The following BRSK1 variants were observed in gnomAD, a reference collection of about 807,000 sequenced individuals.
BRSK1 encodes the protein serine/threonine-protein kinase BRSK1.
A neutral mutation model predicts 86.2 loss-of-function variants in BRSK1; 17 were observed. The ratio of observed to expected loss-of-function variants is 0.20; its 90% CI spans 0.14 to 0.30. The LOEUF (loss-of-function observed/expected upper bound fraction) is 0.30, where lower values mean the gene tolerates loss of function less well. Ranked by LOEUF, BRSK1 falls within the 10% of genes least tolerant of loss-of-function variation. The pLI is 1.00. For missense variants in BRSK1, 719 were observed against 1,071.9 expected (o/e 0.67, Z 4.60); for synonymous variants, 464 against 440.1 (o/e 1.05, Z -0.68).
chr19:55,308,619 C>G lies in BRSK1; in HGVS notation c.2090-20C>G, dbSNP rs369140520. ...TCCTGGACCCCCAGTCAGTGTTTTT[C>G]TGCCCGCCTGTGCCTCTAGGTCCCA... is the stretch of plus-strand genomic sequence containing the variant. On this transcript the variant is annotated intron_variant, in intron 17 of 18. Transcript: ENST00000309383. 227 of 1,604,850 alleles carry G rather than the reference C, an allele frequency of 1.4e-4. No homozygotes were observed. In the African/African-American group the frequency reaches 2.7e-3, roughly 19 times the overall value.
intron 7 of BRSK1, among the ~76,000 whole-genome samples, chr19:55,297,513 A>G (rs1365382161): frequency 6.6e-6 from 1 of 152,168 alleles, no homozygotes; most frequent in African/African-American, 2.4e-5. Flanking sequence ...TCTCTTAACC[A>G]CCAGGCTACA....
intron 1 of BRSK1, 87 bp downstream of exon 1, chr19:55,284,665 G>A (rs570196947): frequency 1.7e-6 from 2 of 1,158,268 alleles, no homozygotes; most frequent in East Asian, 6.4e-5. Flanking sequence ...AAATGGCAGG[G>A]GCTGGCTGCC....
intron 4 of BRSK1, among the ~76,000 whole-genome samples, chr19:55,292,672 GAAAATAC>G (rs2088425675): frequency 6.6e-6 from 1 of 150,792 alleles, no homozygotes. Flanking sequence ...TGTCTCTACT[GAAAATAC>G]AAAAATTAGC....
rs2088809969 is a variant in BRSK1 at position 55,311,990 on chromosome 19, A to G, written c.2259A>G (p.Pro753=). 7.0e-7 allele frequency: 1 copy of G among 1,427,442 alleles called. No homozygotes were observed. The allele number at this position is 1,427,442 out of a possible 1,614,324, so 88.4% of individuals were successfully genotyped here. The change falls in exon 19 of 19, where the codon CCA becomes CCG. Residue 753 remains proline, a synonymous_variant. Transcript: ENST00000309383. ...SLQPPPGRPD[P]ELSSSPRRGP... ...AGCCCCCACCCGGCCGCCCAGACCC[A>G]GAGCTGAGCAGCTCTCCCCGCCGAG...
rs1350908531 is a variant in BRSK1 at position 55,303,657 on chromosome 19, T to C, written c.1127-10T>C. On this transcript the variant is annotated splice_polypyrimidine_tract_variant and intron_variant, in intron 11 of 18. Transcript: ENST00000309383. This position sits in a 1 kb window ranked among gnomAD's most constrained non-coding sequence, Gnocchi z 5.1. ...CATCTCTTGATTGGGTTGAAACTGT[T>C]GTCCCTCAGACCCCCCCCGGAAGCG... 1.3e-6 allele frequency: 2 copies of C among 1,589,496 alleles called. No individual in the cohort carries two copies. The highest frequency in any genetic ancestry group is 1.7e-6 in the Non-Finnish European group (2 of 1,167,824).
In BRSK1 at chr19:55,294,512, T is replaced by C; in HGVS notation, c.678+115T>C. On this transcript the variant is annotated intron_variant, in intron 7 of 18. Coordinates refer to ENST00000309383, the MANE Select transcript of BRSK1 (RefSeq NM_032430.2). This position sits in a 1 kb window ranked among gnomAD's most constrained non-coding sequence, Gnocchi z 4.9. ...TGAATTTATTTATGAATTTTATTTA[T>C]TTATTTTGAGACAGAGTCTTGCCCC... 7.6e-7 allele frequency: 1 copy of C among 1,308,514 alleles called. No homozygotes were observed. The highest frequency in any genetic ancestry group is 1.0e-6 in the Non-Finnish European group (1 of 954,250). The allele number at this position is 1,308,514 out of a possible 1,614,324, so 81.1% of individuals were successfully genotyped here.
At chr19:55,307,220 G>A (rs1024382307) in intron 17 of BRSK1, among the ~76,000 whole-genome samples, 9 of 152,156 alleles carry the variant, frequency 5.9e-5, no homozygotes, top group Non-Finnish European at 8.8e-5. Flanking sequence ...TGGGTGTTCC[G>A]TCACCAAAAC....
chr19:55,292,766 G>A (rs1028086101), intron 4 of BRSK1, among the ~76,000 whole-genome samples: 1 of 151,936 alleles, frequency 6.6e-6, no homozygotes, highest in Non-Finnish European at 1.5e-5. Flanking sequence ...CCCAGGAGAC[G>A]GAGGTTGCAG....
At position 55,284,354 on chromosome 19, in the gene BRSK1, G is replaced by C; in HGVS notation, c.-89G>C. The C allele has an allele frequency of 1.1e-6, 1 of 915,882 alleles. No homozygotes were observed. Among genetic ancestry groups the C allele is most frequent in the Non-Finnish European group, 1.4e-6 (1 of 693,198 alleles). The allele number at this position is 915,882 out of a possible 1,614,324, so 56.7% of individuals were successfully genotyped here. ...GGGGGGCAGCCGGGGGGGCCGGGACGGAGCGGTCGCCGGCCCCCACCGGAG... is the reference window on the plus strand; with the variant it reads ...GGGGGGCAGCCGGGGGGGCCGGGACCGAGCGGTCGCCGGCCCCCACCGGAG... On this transcript the variant is annotated 5_prime_UTR_variant, in exon 1 of 19. Transcript: ENST00000309383.
rs372052269 is a variant in BRSK1 at position 55,312,533 on chromosome 19, C to CA, written c.*494dup. On this transcript the variant is annotated 3_prime_UTR_variant, in exon 19 of 19. Coordinates refer to ENST00000309383, the MANE Select transcript of BRSK1 (RefSeq NM_032430.2). ...TCCGTGTCTCTGATTCCGCCGGCGG[C>CA]AAAAAAAAAAAAAAAAAAAAAAAAA... 14,128 of 25,660 alleles carry CA rather than the reference C, an allele frequency of 0.55. 5,091 individuals are homozygous for CA. Among genetic ancestry groups the CA allele is most frequent in the Non-Finnish European group, 0.57 (9,041 of 15,984 alleles). The allele number at this position is 25,660 out of a possible 1,614,324, so 1.6% of individuals were successfully genotyped here.
At position 55,304,535 on chromosome 19, in the gene BRSK1, C is replaced by A; in HGVS notation, c.1348-16C>A. 6.4e-7 allele frequency: 1 copy of A among 1,558,262 alleles called. No homozygotes were observed. Among genetic ancestry groups the A allele is most frequent in the South Asian group, 1.2e-5 (1 of 82,166 alleles). ...TTGTAGTCCACTCGCTTATCTCAGT[C>A]TCCTGTCCTCTGCAGAGTCCGGTCT... is the stretch of plus-strand genomic sequence containing the variant. On this transcript the variant is annotated splice_polypyrimidine_tract_variant and intron_variant, in intron 13 of 18. Transcript: ENST00000309383. This position sits in a 1 kb window ranked among gnomAD's most constrained non-coding sequence, Gnocchi z 5.2.
chr19:55,300,637 G>C (rs750022530), intron 7 of BRSK1, among the ~76,000 whole-genome samples: 4 of 152,078 alleles, frequency 2.6e-5, no homozygotes, highest in Admixed American at 6.5e-5. Context: ...TTGGGCATTT[G>C]AGACCAGCCT....
rs1356092829 is a variant in BRSK1, at chr19:55,304,532, A to G, written c.1348-19A>G. On this transcript the variant is annotated intron_variant, in intron 13 of 18. Transcript: ENST00000309383. The surrounding 1 kb of genome is among the most constrained non-coding windows in gnomAD (Gnocchi z 5.2). ...GAGTTGTAGTCCACTCGCTTATCTCAGTCTCCTGTCCTCTGCAGAGTCCGG... is the reference window on the plus strand; with the variant it reads ...GAGTTGTAGTCCACTCGCTTATCTCGGTCTCCTGTCCTCTGCAGAGTCCGG... 2.6e-6 allele frequency: 4 copies of G among 1,540,432 alleles called. No individual in the cohort carries two copies. Among genetic ancestry groups the G allele is most frequent in the East Asian group, 2.3e-5 (1 of 43,000 alleles).
chr19:55,292,702 C>T (rs984458782), intron 4 of BRSK1, among the ~76,000 whole-genome samples: 9 of 151,866 alleles, frequency 5.9e-5, no homozygotes, highest in African/African-American at 2.2e-4. Context: ...GGCGTGGTGG[C>T]ACATGCCTAT....
In BRSK1 at chr19:55,284,211, C is replaced by T. The variant is rs972806582; in HGVS notation, c.-232C>T. The T allele has an allele frequency of 9.7e-6, 7 of 718,538 alleles. No homozygotes were observed. The highest frequency in any genetic ancestry group is 1.3e-5 in the Non-Finnish European group (7 of 521,616). 44.5% of individuals were successfully genotyped at this position (718,538 alleles called of 1,614,324 possible). A position where few individuals can be genotyped will look rare whatever the true frequency, so the allele number is the denominator to read the frequency against. On this transcript the variant is annotated 5_prime_UTR_variant, in exon 1 of 19. Coordinates refer to ENST00000309383, the MANE Select transcript of BRSK1 (RefSeq NM_032430.2). ...CTGGGGAGGGGGGGCCCCGCAGCCC[C>T]CCTGGGCCATGCTGACTCCCGGGGC...
chr19:55,300,388 A>T (rs2088553043), intron 7 of BRSK1, among the ~76,000 whole-genome samples: 1 of 152,180 alleles, frequency 6.6e-6, no homozygotes, highest in Non-Finnish European at 1.5e-5. Flanking sequence ...TGCAGGTATA[A>T]GCCCCAGAGC....
chr19:55,286,227 G>GCT (rs2088314122), intron 1 of BRSK1, among the ~76,000 whole-genome samples: 1 of 146,520 alleles, frequency 6.8e-6, no homozygotes, highest in Non-Finnish European at 1.5e-5. Flanking sequence ...AGGATGGAAT[G>GCT]GGGGCCTGGA....
rs1168759051 is a variant in BRSK1 at position 55,287,069 on chromosome 19, C to A, written c.199C>A (p.Arg67=). 5.6e-6 allele frequency: 9 copies of A among 1,593,414 alleles called. No individual in the cohort carries two copies. Among genetic ancestry groups the A allele is most frequent in the South Asian group, 1.1e-5 (1 of 90,554 alleles). ...GQKVAIKIVN[R]EKLSESVLMK... ...GAAGGTCGCCATCAAGATCGTGAACCGGGAGAAGCTGTCGGAGTCGGTGCT... is the reference window on the plus strand; with the variant it reads ...GAAGGTCGCCATCAAGATCGTGAACAGGGAGAAGCTGTCGGAGTCGGTGCT... The change falls in exon 2 of 19, where the codon CGG becomes AGG. Residue 67 remains arginine, a synonymous_variant. Transcript: ENST00000309383. The surrounding 1 kb of genome is among the most constrained non-coding windows in gnomAD (Gnocchi z 5.3).
Position 55,284,504 on chromosome 19 carries a change from A to ACCCCC in BRSK1, c.63_67dup (p.His23ProfsTer45). 1 of 417,162 alleles carries ACCCCC rather than the reference A, an allele frequency of 2.4e-6. No homozygotes were observed. Among genetic ancestry groups the ACCCCC allele is most frequent in the Non-Finnish European group, 3.6e-6 (1 of 276,544 alleles). 25.8% of individuals were successfully genotyped at this position (417,162 alleles called of 1,614,324 possible). ...CCCGCCTACCACCTCCCCCACCCCCACCCCCACCCACCCCAGCACGCCCAA... is the reference window on the plus strand; with the variant it reads ...CCCGCCTACCACCTCCCCCACCCCCACCCCCCCCCCACCCACCCCAGCACGCCCAA... On this transcript the variant is annotated frameshift_variant, in exon 1 of 19. Transcript: ENST00000309383. LOFTEE classifies it high-confidence loss of function.
Sources: gnomAD v4.1 joint callset for allele counts (sites outside exome capture counted in the v4.1 genomes callset) on GRCh38, gnomAD v4.1.1 for gene constraint, Gnocchi (gnomAD v3.1) non-coding constraint, MANE v1.5 for transcripts, NCBI Gene and HGNC (gene_info 2026-07-23, HGNC 2026-07-21) for gene names.